DOCK9: variants seen among roughly 807,000 people sequenced by gnomAD.
The protein encoded by DOCK9 is dedicator of cytokinesis protein 9.
A neutral mutation model predicts 263.3 loss-of-function variants in DOCK9; 89 were observed. That is an observed-to-expected ratio of 0.34 (90% CI 0.28 to 0.40). The LOEUF (loss-of-function observed/expected upper bound fraction) is 0.40, where lower values mean the gene tolerates loss of function less well. Among genes scored for constraint, DOCK9 ranks in the 10% least tolerant of loss-of-function variants. The pLI is 1.00. For synonymous variants in DOCK9, 976 were observed against 973.1 expected, an observed-to-expected ratio of 1.00 and a Z score of -0.06; for missense variants, 2,140 against 2,603.4, an observed-to-expected ratio of 0.82 and a Z score of 3.87.
Position 98,866,196 on chromosome 13 carries a change from A to G in DOCK9, c.3286+1229T>C, listed in dbSNP as rs1594795338. On this transcript the variant is annotated intron_variant, in intron 30 of 52. Coordinates refer to ENST00000682017, the MANE Select transcript of DOCK9 (RefSeq NM_001366683.2). ...TCCTTAGGATGCATCAGTGTCTGAC[A>G]TTCTATGTATCTTGTGTATGTAGAA... 2.0e-5 allele frequency among the ~76,000 whole-genome samples: 3 copies of G among 152,288 alleles called. No homozygotes were observed. The East Asian group carries it at 5.8e-4, about 29-fold the overall frequency.
At chr13:98,967,920 C>T (rs1429138766) in intron 1 of DOCK9, among the ~76,000 whole-genome samples, 3 of 151,948 alleles carry the variant, frequency 2.0e-5, no homozygotes, top group Admixed American at 2.0e-4. Context: ...AAGGCATGAC[C>T]TTTGTAAGGA....
intron 1 of DOCK9, among the ~76,000 whole-genome samples, chr13:99,041,784 T>C (rs1040796353): frequency 1.2e-4 from 19 of 152,154 alleles, no homozygotes; most frequent in Non-Finnish European, 2.5e-4. Context: ...AAATGACAAC[T>C]ATGCTAATAA....
At position 98,881,541 on chromosome 13, in the gene DOCK9, C is replaced by G; in HGVS notation, c.2745+17G>C. On this transcript the variant is annotated intron_variant, in intron 25 of 52. Coordinates refer to ENST00000682017, the MANE Select transcript of DOCK9 (RefSeq NM_001366683.2). Reference sequence around the variant, plus strand: ...GAGCCACAGATGTAAGTGATCAGAACAGTGTGTTTTACATACCTTAACATA... The same window carrying G: ...GAGCCACAGATGTAAGTGATCAGAAGAGTGTGTTTTACATACCTTAACATA... 1 of 1,586,578 alleles carries G rather than the reference C, an allele frequency of 6.3e-7. No homozygotes were observed. Among genetic ancestry groups the G allele is most frequent in the South Asian group, 1.2e-5 (1 of 86,364 alleles).
Position 98,829,192 on chromosome 13 carries a change from A to G in DOCK9, c.4965+115T>C, listed in dbSNP as rs1190621554. ...CTTCATACTGTTTAAAGTTTTGCATACTTTTAATTGGTTTTTGATTAATGG... is the reference window on the plus strand; with the variant it reads ...CTTCATACTGTTTAAAGTTTTGCATGCTTTTAATTGGTTTTTGATTAATGG... On this transcript the variant is annotated intron_variant, in intron 43 of 52. Coordinates refer to ENST00000682017, the MANE Select transcript of DOCK9 (RefSeq NM_001366683.2). This position sits in a 1 kb window ranked among gnomAD's most constrained non-coding sequence, Gnocchi z 4.1. The G allele has an allele frequency of 1.1e-6, 1 of 938,668 alleles. No homozygotes were observed. Among genetic ancestry groups the G allele is most frequent in the Non-Finnish European group, 1.6e-6 (1 of 636,414 alleles). The allele number at this position is 938,668 out of a possible 1,614,324, so 58.1% of individuals were successfully genotyped here.
rs1482973943 is a variant in DOCK9, at chr13:99,008,229, TATATA to T, written c.130-52683_130-52679del. 7.8e-3 allele frequency among the ~76,000 whole-genome samples: 942 copies of T among 121,184 alleles called. 12 individuals carry two copies. Among genetic ancestry groups the T allele is most frequent in the Non-Finnish European group, 0.011 (670 of 59,500 alleles). 79.5% of individuals were successfully genotyped at this position (121,184 alleles called of 152,430 possible). ...CTCTCTCTCTATATATATATATATA[TATATA>T]TTTTTTTTTTTTTTTGAGACGAAGT... On this transcript the variant is annotated intron_variant, in intron 1 of 32. Transcript: ENST00000427887.
chr13:98,820,195 A>G (rs2092178123), intron 45 of DOCK9, among the ~76,000 whole-genome samples: 1 of 152,244 alleles, frequency 6.6e-6, no homozygotes, highest in African/African-American at 2.4e-5. Context: ...ATCTAACTAA[A>G]TATATATTGT....
chr13:98,914,466 G>C, intron 8 of DOCK9, 71 bp from the exon 9 acceptor site: 2 of 1,407,610 alleles, frequency 1.4e-6, no homozygotes, highest in South Asian at 2.5e-5. Context: ...GGAGGAGGAA[G>C]GCCGTTTCTC....
At chr13:98,946,548 C>T (rs1478228197) in intron 2 of DOCK9, among the ~76,000 whole-genome samples, 2 of 152,126 alleles carry the variant, frequency 1.3e-5, no homozygotes, top group Non-Finnish European at 2.9e-5. Context: ...TTCCTCAACT[C>T]CTCCTCTAAA....
chr13:98,964,393 G>A (rs901088014), intron 1 of DOCK9, among the ~76,000 whole-genome samples: 3 of 152,164 alleles, frequency 2.0e-5, no homozygotes, highest in African/African-American at 7.2e-5. Flanking sequence ...TCTTAAAGGA[G>A]GTTCCTGGAG....
intron 1 of DOCK9, among the ~76,000 whole-genome samples, chr13:99,010,012 AAGAG>A (rs66955213): frequency 1.3e-5 from 2 of 148,980 alleles, no homozygotes; most frequent in Non-Finnish European, 3.0e-5. Flanking sequence ...AAAAAAAAAA[AAGAG>A]AGAGAAATAT....
At chr13:99,077,417 G>A (rs1281461578) in intron 1 of DOCK9, among the ~76,000 whole-genome samples, 1 of 152,132 alleles carries the variant, frequency 6.6e-6, no homozygotes, top group Non-Finnish European at 1.5e-5. Flanking sequence ...TTTCTTGCCA[G>A]CCATGTGGAG....
chr13:98,931,360 G>A (rs1034981343), intron 2 of DOCK9, among the ~76,000 whole-genome samples: 20 of 150,274 alleles, frequency 1.3e-4, no homozygotes, highest in African/African-American at 2.9e-4. Flanking sequence ...GTGCAGTGGC[G>A]CAATCTCAGC....
intron 1 of DOCK9, among the ~76,000 whole-genome samples, chr13:98,990,328 A>T (rs1327287717): frequency 2.6e-5 from 4 of 152,218 alleles, no homozygotes; most frequent in East Asian, 3.8e-4. Flanking sequence ...TTTTAAACAG[A>T]ATCTGTTACT....
chr13:99,074,856 C>A (rs1455508979), intron 1 of DOCK9, among the ~76,000 whole-genome samples: 1 of 152,162 alleles, frequency 6.6e-6, no homozygotes, highest in Non-Finnish European at 1.5e-5. Flanking sequence ...TTTGGGTCAG[C>A]ACTGGAAAGA....
intron 2 of DOCK9, among the ~76,000 whole-genome samples, chr13:98,951,069 C>T (rs935361563): frequency 2.0e-5 from 3 of 152,170 alleles, no homozygotes; most frequent in African/African-American, 7.2e-5. Flanking sequence ...AAGGTCATTA[C>T]CTCTGTCTAA....
rs1394790689 is a variant in DOCK9 at position 98,923,339 on chromosome 13, T to G, written c.449A>C (p.His150Pro). ...KVVKLDKLPV[H>P]VYEVDEEVDK... ...GACCTCCTCGTCAACTTCATAGACA[T>G]GAACTGGAAGTTTATCCAACTTGAC... The change falls in exon 5 of 53, where the codon CAT becomes CCT. Residue 150 changes from histidine (H) to proline (P), a missense_variant. By Grantham distance (77) the His-to-Pro change is moderately conservative. This residue lies in a region of DOCK9 where 1,521 missense variants were observed against 1,741.7 expected (regional missense o/e 0.87). Transcript: ENST00000682017. 1.9e-6 allele frequency: 3 copies of G among 1,613,908 alleles called. No individual in the cohort carries two copies. Among genetic ancestry groups the G allele is most frequent in the East Asian group, 2.2e-5 (1 of 44,868 alleles).
At chr13:98,843,264 T>C (rs2093283647) in intron 38 of DOCK9, among the ~76,000 whole-genome samples, 1 of 152,216 alleles carries the variant, frequency 6.6e-6, no homozygotes, top group Non-Finnish European at 1.5e-5. Context: ...CAACAGAAGG[T>C]ATTGTATTTG....
chr13:98,938,375 A>C (rs1407774015), intron 2 of DOCK9, among the ~76,000 whole-genome samples: 6 of 152,228 alleles, frequency 3.9e-5, no homozygotes, highest in African/African-American at 9.6e-5. Context: ...TCCACAGAAC[A>C]GTCTTCTAGG....
chr13:98,812,127 A>ATATTTTT (rs773478920), intron 45 of DOCK9, among the ~76,000 whole-genome samples: 3 of 77,646 alleles, frequency 3.9e-5, no homozygotes, highest in African/African-American at 1.6e-4. Flanking sequence ...AAACCACAGG[A>ATATTTTT]TTTTTTTTTT....
Sources: allele counts gnomAD v4.1 joint callset (sites outside exome capture counted in the v4.1 genomes callset), GRCh38; gene constraint gnomAD v4.1.1; regional missense constraint gnomAD v4.1.1; non-coding constraint Gnocchi (gnomAD v3.1); transcripts MANE v1.5; gene names NCBI Gene and HGNC (gene_info 2026-07-23, HGNC 2026-07-21).